Variants in GMCL1 observed in about 807,000 individuals in gnomAD.
GMCL1 encodes the protein germ cell-less protein-like 1.
GMCL1 carries 54 observed loss-of-function variants against 75.5 expected under a neutral mutation model. The observed-to-expected ratio is 0.71, with a 90% CI of 0.57 to 0.90. The LOEUF (loss-of-function observed/expected upper bound fraction) is 0.90, where lower values mean the gene tolerates loss of function less well. Ranked by LOEUF, GMCL1 falls within the 40% of genes least tolerant of loss-of-function variation. The pLI is 0.00. For synonymous variants in GMCL1, 210 were observed against 209.6 expected (o/e 1.00, Z -0.02); for missense variants, 537 against 622.7 (o/e 0.86, Z 1.47).
chr2:69,849,764 A>G (rs762123499), intron 8 of GMCL1, 22 bp downstream of exon 8: 1 of 1,456,936 alleles, frequency 6.9e-7, no homozygotes, highest in Admixed American at 2.2e-5. Flanking sequence ...GTTTTTGAGA[A>G]CTTGTCTTTT....
Position 69,847,614 on chromosome 2 carries a change from C to A in GMCL1, c.830C>A (p.Thr277Asn). The A allele has an allele frequency of 6.2e-7, 1 of 1,602,392 alleles. No individual in the cohort carries two copies. Among genetic ancestry groups the A allele is most frequent in the Non-Finnish European group, 8.5e-7 (1 of 1,170,018 alleles). ...ATGCAAGTGGAGATGGATATATACA[C>A]TGCTCTAAAAAAGGTACTGACGTAA... Reference protein sequence around the residue: ...FVMQVEMDIYTALKKWMFLQL... With the variant: ...FVMQVEMDIYNALKKWMFLQL... The change falls in exon 7 of 14, where the codon ACT becomes AAT. Residue 277 changes from threonine (T) to asparagine (N), a missense_variant. By Grantham distance (65) the Thr-to-Asn change is moderately conservative (BLOSUM62 0). This residue lies in a region of GMCL1 where 345 missense variants were observed against 410.5 expected (regional missense o/e 0.84). Coordinates refer to ENST00000282570, the MANE Select transcript of GMCL1 (RefSeq NM_178439.5).
chr2:69,854,375 T>C (rs1418647030), intron 8 of GMCL1, among the ~76,000 whole-genome samples: 1 of 152,226 alleles, frequency 6.6e-6, no homozygotes. Context: ...TAGTGTTCAT[T>C]ACATGTAGCT....
In GMCL1 at chr2:69,880,804, C is replaced by G. The variant is rs560582408; in HGVS notation, c.*1800C>G. 6.9e-6 allele frequency: 1 copy of G among 144,608 alleles called. No homozygotes were observed. Among genetic ancestry groups the G allele is most frequent in the Admixed American group, 7.2e-5 (1 of 13,816 alleles). 9.0% of individuals were successfully genotyped at this position (144,608 alleles called of 1,614,324 possible). A position where few individuals can be genotyped will look rare whatever the true frequency, so the allele number is the denominator to read the frequency against. ...CAGAGGTTGCAGTGAGTGGAGATTG[C>G]GCCATTGCACTCCAACCTAGGCGAC... On this transcript the variant is annotated 3_prime_UTR_variant, in exon 14 of 14. Coordinates refer to ENST00000282570, the MANE Select transcript of GMCL1 (RefSeq NM_178439.5).
intron 13 of GMCL1, among the ~76,000 whole-genome samples, chr2:69,874,081 G>C (rs1400302661): frequency 6.6e-6 from 1 of 151,454 alleles, no homozygotes; most frequent in Non-Finnish European, 1.5e-5. Flanking sequence ...CTCTTTATTG[G>C]ATAAAGTTGT....
At position 69,843,139 on chromosome 2, in the gene GMCL1, A is replaced by G. The variant is rs1483537178; in HGVS notation, c.580-10A>G. The G allele has an allele frequency of 3.2e-6, 5 of 1,545,920 alleles. No individual in the cohort carries two copies. The highest frequency in any genetic ancestry group is 2.3e-5 in the East Asian group (1 of 43,878). ...AAATGGGCCTTTCCAGTGCTTATTTATATTTACAGGACGGTTTAATACAGC... is the reference window on the plus strand; with the variant it reads ...AAATGGGCCTTTCCAGTGCTTATTTGTATTTACAGGACGGTTTAATACAGC... On this transcript the variant is annotated splice_polypyrimidine_tract_variant and intron_variant, in intron 4 of 13. Coordinates refer to ENST00000282570, the MANE Select transcript of GMCL1 (RefSeq NM_178439.5).
chr2:69,848,010 TC>T (rs1315436458), intron 7 of GMCL1, among the ~76,000 whole-genome samples: 1 of 152,240 alleles, frequency 6.6e-6, no homozygotes. Flanking sequence ...TTGAAATTTT[TC>T]TTTTAAAGGC....
intron 13 of GMCL1, among the ~76,000 whole-genome samples, chr2:69,877,133 A>G (rs1269793465): frequency 6.6e-6 from 1 of 152,218 alleles, no homozygotes; most frequent in Non-Finnish European, 1.5e-5. Context: ...TTCCATCCAC[A>G]ATGGAATAAG....
intron 11 of GMCL1, among the ~76,000 whole-genome samples, chr2:69,866,615 C>T (rs1055073330): frequency 2.0e-5 from 3 of 152,124 alleles, no homozygotes; most frequent in Non-Finnish European, 2.9e-5. Context: ...CGTGTCACCA[C>T]AGCCAGCTAA....
At chr2:69,862,384 C>T (rs1675679962) in intron 10 of GMCL1, among the ~76,000 whole-genome samples, 1 of 151,846 alleles carries the variant, frequency 6.6e-6, no homozygotes, top group Admixed American at 6.6e-5. Context: ...TTTTATTATC[C>T]AGGATCCTAG....
chr2:69,875,157 A>G (rs966496144), intron 13 of GMCL1, among the ~76,000 whole-genome samples: 2 of 152,162 alleles, frequency 1.3e-5, no homozygotes, highest in African/African-American at 2.4e-5. Context: ...CTAGGATTAT[A>G]TAAATAGTCA....
intron 9 of GMCL1, among the ~76,000 whole-genome samples, chr2:69,856,460 CATT>C (rs1006581928): frequency 6.6e-6 from 1 of 151,984 alleles, no homozygotes; most frequent in Non-Finnish European, 1.5e-5. Flanking sequence ...AGTTCAACTC[CATT>C]ATTTCATGGA....
intron 1 of GMCL1, among the ~76,000 whole-genome samples, chr2:69,834,394 G>A (rs1674758666): frequency 6.6e-6 from 1 of 152,058 alleles, no homozygotes; most frequent in South Asian, 2.1e-4. Context: ...CTTATTTTAG[G>A]AACTATTTAA....
intron 5 of GMCL1, 107 bp from the exon 6 acceptor site, chr2:69,844,024 G>T: frequency 4.1e-6 from 2 of 484,180 alleles, no homozygotes; most frequent in South Asian, 1.0e-4. Context: ...TAAAAGTTTT[G>T]AGCATGTTCT....
In GMCL1 at chr2:69,837,526, C is replaced by T. The variant is rs901627819; in HGVS notation, c.261-21C>T. On this transcript the variant is annotated intron_variant, in intron 1 of 13. Transcript: ENST00000282570. ...CATTCAGTTTTATATAAATATGTGA[C>T]TTTTTCATTTCTTTTAACAGGAAAA... is the stretch of plus-strand genomic sequence containing the variant. 7 of 1,463,914 alleles carry T rather than the reference C, an allele frequency of 4.8e-6. No individual in the cohort carries two copies. The South Asian group carries it at 7.7e-5, about 16-fold the overall frequency. The allele number at this position is 1,463,914 out of a possible 1,614,324, so 90.7% of individuals were successfully genotyped here.
At position 69,829,965 on chromosome 2, in the gene GMCL1, G is replaced by A. The variant is rs761201302; in HGVS notation, c.73G>A (p.Ala25Thr). 1.8e-5 allele frequency: 29 copies of A among 1,589,838 alleles called. No individual in the cohort carries two copies. Among genetic ancestry groups the A allele is most frequent in the Non-Finnish European group, 2.5e-5 (29 of 1,167,964 alleles). ...ALAQQAQGAR[A>T]GGSARRPDTG... ...TGCCCAGCAGGCGCAGGGTGCCAGG[G>A]CGGGGGGCTCGGCCCGGAGGCCGGA... The change falls in exon 1 of 14, where the codon GCG (alanine) becomes ACG (threonine). Residue 25 changes from alanine to threonine, a missense_variant. Physicochemically the swap from Ala to Thr is moderately conservative, Grantham distance 58. Transcript: ENST00000282570.
chr2:69,844,452 T>A (rs1442719028), intron 6 of GMCL1: 2 of 253,620 alleles, frequency 7.9e-6, no homozygotes, highest in Non-Finnish European at 1.5e-5. Flanking sequence ...TAGAAAAGTT[T>A]CAGGTTTTGC....
chr2:69,869,952 G>C, intron 12 of GMCL1, 88 bp downstream of exon 12: 1 of 1,351,506 alleles, frequency 7.4e-7, no homozygotes, highest in Middle Eastern at 1.9e-4. Context: ...AACATTAGTA[G>C]AACTTTGGTA....
intron 11 of GMCL1, among the ~76,000 whole-genome samples, chr2:69,865,203 A>T (rs1248894008): frequency 2.0e-5 from 3 of 152,218 alleles, no homozygotes; most frequent in African/African-American, 4.8e-5. Context: ...TTCAGATAAG[A>T]CATACAAGAA....
intron 8 of GMCL1, among the ~76,000 whole-genome samples, chr2:69,852,110 A>G (rs1675335072): frequency 6.6e-6 from 1 of 152,234 alleles, no homozygotes; most frequent in South Asian, 2.1e-4. Flanking sequence ...GCTGAAAGAG[A>G]CAAGGATGGT....
Sources: allele counts gnomAD v4.1 joint callset (sites outside exome capture counted in the v4.1 genomes callset), GRCh38; gene constraint gnomAD v4.1.1; regional missense constraint gnomAD v4.1.1; transcripts MANE v1.5; gene names NCBI Gene and HGNC (gene_info 2026-07-23, HGNC 2026-07-21).